IL18R1: variants seen among roughly 807,000 people sequenced by gnomAD.
IL18R1 encodes the protein interleukin 18 receptor 1.
In IL18R1, 40 loss-of-function variants were observed where a neutral mutation model predicts 48.5. The observed-to-expected ratio is 0.82, with a 90% CI of 0.64 to 1.07. IL18R1 has a LOEUF of 1.07. Ranked by LOEUF, IL18R1 falls within the 50% of genes least tolerant of loss-of-function variation. IL18R1 has a pLI of 0.00. For missense variants in IL18R1, 596 were observed against 633.7 expected, an observed-to-expected ratio of 0.94 and a Z score of 0.64; for synonymous variants, 232 against 225.9, an observed-to-expected ratio of 1.03 and a Z score of -0.24.
intron 1 of IL18R1, among the ~76,000 whole-genome samples, chr2:102,359,330 A>C (rs745458260): frequency 5.3e-5 from 8 of 152,242 alleles, no homozygotes; most frequent in Non-Finnish European, 1.2e-4. Context: ...CTATGTAAGC[A>C]TCTATTTGAC....
chr2:102,369,541 A>G (rs1464003339), intron 3 of IL18R1, among the ~76,000 whole-genome samples: 1 of 152,228 alleles, frequency 6.6e-6, no homozygotes, highest in Non-Finnish European at 1.5e-5. Context: ...AGCAGCTTTG[A>G]CAATGGCCTT....
intron 1 of IL18R1, among the ~76,000 whole-genome samples, chr2:102,362,113 T>C (rs527690962): frequency 4.5e-4 from 69 of 152,270 alleles, no homozygotes; most frequent in African/African-American, 1.5e-3. Flanking sequence ...ATAGACTTAG[T>C]GCCTAGAATT....
At chr2:102,371,906 A>G in intron 3 of IL18R1, 47 bp from the exon 4 acceptor site, 1 of 1,137,838 alleles carries the variant, frequency 8.8e-7, no homozygotes, top group Non-Finnish European at 1.2e-6. Flanking sequence ...TGATATTTGC[A>G]AAGTTTCTGT....
intron 7 of IL18R1, among the ~76,000 whole-genome samples, 170 bp downstream of exon 7, chr2:102,385,168 G>A (rs181578441): frequency 2.1e-4 from 32 of 152,208 alleles, no homozygotes; most frequent in Non-Finnish European, 2.8e-4. Flanking sequence ...CTAGGTGGAC[G>A]CATTATGCAG....
rs11465643 is a variant in IL18R1, at chr2:102,384,834, C to A, written c.689-44C>A. ...ATATTGTTTTGAAACTTTTAAGAAACCTGAGTTTCAAAAATCAGAACTTTA... is the reference window on the plus strand; with the variant it reads ...ATATTGTTTTGAAACTTTTAAGAAAACTGAGTTTCAAAAATCAGAACTTTA... On this transcript the variant is annotated intron_variant, in intron 6 of 10. Coordinates refer to ENST00000233957, the MANE Select transcript of IL18R1 (RefSeq NM_003855.5). The A allele has an allele frequency of 6.9e-3, 10,987 of 1,599,022 alleles. 619 individuals are homozygous for A. The African/African-American group carries it at 0.13, about 19-fold the overall frequency.
chr2:102,368,014 T>C lies in IL18R1; in HGVS notation c.248T>C (p.Leu83Ser). The C allele has an allele frequency of 1.9e-6, 3 of 1,614,230 alleles. No homozygotes were observed. The South Asian group carries it at 3.3e-5, about 18-fold the overall frequency. Residue 83 changes from leucine (L) to serine (S), a missense_variant, in exon 3 of 11, where the codon TTG becomes TCG. Physicochemically the swap from Leu to Ser is moderately radical, Grantham distance 145. Around this residue, in one of 3 missense-constraint regions of IL18R1, gnomAD observed 360 missense variants for 339.4 expected, o/e 1.06. Coordinates refer to ENST00000233957, the MANE Select transcript of IL18R1 (RefSeq NM_003855.5). The stretch of plus-strand genomic sequence containing the variant: ...AGAATTGCTTTGCATGATTGTGTTT[T>C]GGAGTTTTGGCCAGTTGAGTTGAAT... ...SSRIALHDCV[L>S]EFWPVELNDT...
At chr2:102,381,501 C>A in intron 5 of IL18R1, 119 bp from the exon 6 acceptor site, 1 of 734,914 alleles carries the variant, frequency 1.4e-6, no homozygotes, top group Non-Finnish European at 2.4e-6. Context: ...CTCAAGTGAA[C>A]GTAAACCAGT....
intron 3 of IL18R1, among the ~76,000 whole-genome samples, chr2:102,369,891 A>G (rs1357634686): frequency 6.6e-6 from 1 of 152,200 alleles, no homozygotes; most frequent in Non-Finnish European, 1.5e-5. Context: ...ATCAACTAAG[A>G]AGGAAGGGGA....
intron 10 of IL18R1, among the ~76,000 whole-genome samples, chr2:102,394,939 C>T (rs1217906084): frequency 6.6e-6 from 1 of 152,040 alleles, no homozygotes; most frequent in African/African-American, 2.4e-5. Flanking sequence ...TAGAAATGAC[C>T]CACGGTGAGA....
chr2:102,365,134 T>C (rs1678813423), intron 2 of IL18R1, among the ~76,000 whole-genome samples: 1 of 152,182 alleles, frequency 6.6e-6, no homozygotes. Context: ...TCTTCACTCA[T>C]TCCAGCATTA....
intron 9 of IL18R1, among the ~76,000 whole-genome samples, chr2:102,391,939 T>C (rs561071494): frequency 6.6e-6 from 1 of 152,358 alleles, no homozygotes; most frequent in East Asian, 1.9e-4. Context: ...AGGAGCTATT[T>C]ATATTTTAGG....
intron 8 of IL18R1, among the ~76,000 whole-genome samples, chr2:102,387,287 A>C (rs997365207): frequency 2.0e-5 from 3 of 152,114 alleles, no homozygotes; most frequent in African/African-American, 7.2e-5. Flanking sequence ...GCTCATGGGG[A>C]GGCCATCAGG....
chr2:102,371,484 T>C (rs993506518), intron 3 of IL18R1, among the ~76,000 whole-genome samples: 2 of 152,148 alleles, frequency 1.3e-5, no homozygotes, highest in African/African-American at 2.4e-5. Flanking sequence ...AAGAAGGGGA[T>C]TGGAAGAAGT....
chr2:102,360,567 A>G (rs1262135609), intron 1 of IL18R1, among the ~76,000 whole-genome samples: 1 of 152,164 alleles, frequency 6.6e-6, no homozygotes, highest in East Asian at 1.9e-4. Flanking sequence ...CCGGCCAAAC[A>G]TCTTAATTAT....
Position 102,376,044 on chromosome 2 carries a change from C to A in IL18R1, c.606C>A (p.Phe202Leu). 6.3e-7 allele frequency: 1 copy of A among 1,584,708 alleles called. No homozygotes were observed. ...NGKLFNITKT[F>L]NITIVEDRSN... Reference sequence around the variant, plus strand: ...AACTATTTAATATCACCAAAACCTTCAATATAACAATAGTGGAAGGTAAGG... The same window carrying A: ...AACTATTTAATATCACCAAAACCTTAAATATAACAATAGTGGAAGGTAAGG... The change falls in exon 5 of 11, where the codon TTC (phenylalanine) becomes TTA (leucine). Residue 202 changes from phenylalanine (F) to leucine (L), a missense_variant. By Grantham distance (22) the Phe-to-Leu change is conservative. Transcript: ENST00000233957.
chr2:102,381,732 A>G (rs1438886238), intron 6 of IL18R1, 50 bp downstream of exon 6: 1 of 1,200,766 alleles, frequency 8.3e-7, no homozygotes, highest in East Asian at 2.3e-5. Context: ...GGGACATAAT[A>G]GAGCCTTCCA....
At chr2:102,378,841 A>G (rs1376911803) in intron 5 of IL18R1, among the ~76,000 whole-genome samples, 2 of 152,174 alleles carry the variant, frequency 1.3e-5, no homozygotes. Context: ...TTTTCTTTGG[A>G]TTTGGCAAAG....
chr2:102,384,468 G>A (rs747649358), intron 6 of IL18R1, among the ~76,000 whole-genome samples: 45 of 152,114 alleles, frequency 3.0e-4, no homozygotes, highest in Admixed American at 5.2e-4. Context: ...TCTTAAGTAC[G>A]CTTGTAGTTC....
At chr2:102,393,224 T>A (rs1245750296) in intron 9 of IL18R1, among the ~76,000 whole-genome samples, 1 of 151,966 alleles carries the variant, frequency 6.6e-6, no homozygotes, top group Non-Finnish European at 1.5e-5. Flanking sequence ...CTTACTTAAC[T>A]AGTAGATAGT....
Sources: allele counts gnomAD v4.1 joint callset (sites outside exome capture counted in the v4.1 genomes callset), GRCh38; gene constraint gnomAD v4.1.1; regional missense constraint gnomAD v4.1.1; transcripts MANE v1.5; gene names NCBI Gene and HGNC (gene_info 2026-07-23, HGNC 2026-07-21).